The following RIC1 variants were observed in gnomAD, a reference collection of about 807,000 sequenced individuals.
RIC1 encodes the protein RIC1 partner of RAB6A GEF complex, also known as guanine nucleotide exchange factor subunit RIC1.
RIC1 carries 88 observed loss-of-function variants against 169.0 expected under a neutral mutation model. The observed-to-expected ratio is 0.52, with a 90% CI of 0.44 to 0.62. The LOEUF is 0.62. Ranked by LOEUF, RIC1 falls within the 20% of genes least tolerant of loss-of-function variation. The pLI, the probability that RIC1 is intolerant of heterozygous loss-of-function variation, is 0.00. For missense variants in RIC1, 1,877 were observed against 1,725.5 expected (o/e 1.09, Z -1.56); for synonymous variants, 790 against 601.5 (o/e 1.31, Z -4.59).
chr9:5,711,828 T>C (rs1030424261), intron 3 of RIC1, among the ~76,000 whole-genome samples: 7 of 152,186 alleles, frequency 4.6e-5, no homozygotes, highest in African/African-American at 1.7e-4. Context: ...ATGCGGTGTT[T>C]GGTTTTTTGT....
chr9:5,702,006 A>G (rs1563912128), intron 3 of RIC1, among the ~76,000 whole-genome samples: 1 of 152,218 alleles, frequency 6.6e-6, no homozygotes, highest in Non-Finnish European at 1.5e-5. Flanking sequence ...GGGGACACTC[A>G]TCTTTACTCA....
chr9:5,756,041 A>G (rs1409914543), intron 15 of RIC1, among the ~76,000 whole-genome samples, 171 bp from the exon 16 acceptor site: 2 of 152,048 alleles, frequency 1.3e-5, no homozygotes, highest in Non-Finnish European at 2.9e-5. Flanking sequence ...CCTAGTCTGC[A>G]AAAATATGTA....
chr9:5,739,444 T>A (rs1209349540), intron 8 of RIC1, among the ~76,000 whole-genome samples: 1 of 152,144 alleles, frequency 6.6e-6, no homozygotes, highest in African/African-American at 2.4e-5. Context: ...TTCCCATGCC[T>A]ACTCTCCAGA....
At chr9:5,713,302 A>G (rs1286330266) in intron 3 of RIC1, 1 of 152,264 alleles carries the variant, frequency 6.6e-6, no homozygotes, top group African/African-American at 2.4e-5. Flanking sequence ...GTGACAGTTC[A>G]GTTAAGTTGG....
At position 5,720,694 on chromosome 9, in the gene RIC1, T is replaced by C; in HGVS notation, c.664T>C (p.Phe222Leu). 6.2e-7 allele frequency: 1 copy of C among 1,612,716 alleles called. No individual in the cohort carries two copies. The highest frequency in any genetic ancestry group is 8.5e-7 in the Non-Finnish European group (1 of 1,179,202). ...CATLDGFAVV[F>L]NDGKVGFITP... is the part of the protein sequence containing the mutation. ...CACACTTGATGGGTTTGCTGTTGTATTTAATGATGGTAAAGTTGGATTTAT... is the reference window on the plus strand; with the variant it reads ...CACACTTGATGGGTTTGCTGTTGTACTTAATGATGGTAAAGTTGGATTTAT... Residue 222 changes from phenylalanine to leucine, a missense_variant, in exon 6 of 26, where the codon TTT becomes CTT. Around this residue, in one of 3 missense-constraint regions of RIC1, gnomAD observed 1,104 missense variants for 992.0 expected, o/e 1.11. Transcript: ENST00000414202.
intron 2 of RIC1, among the ~76,000 whole-genome samples, chr9:5,674,738 T>G (rs949360312): frequency 1.3e-5 from 2 of 152,180 alleles, no homozygotes; most frequent in Admixed American, 6.6e-5. Context: ...AACTTGTGGA[T>G]TACCATACCC....
chr9:5,715,454 C>G (rs1025068532), intron 4 of RIC1, among the ~76,000 whole-genome samples: 2 of 152,214 alleles, frequency 1.3e-5, no homozygotes, highest in African/African-American at 2.4e-5. Context: ...TCTCTCAAAA[C>G]TCCAGTGAAA....
intron 10 of RIC1, among the ~76,000 whole-genome samples, chr9:5,744,963 T>C (rs992265738): frequency 1.5e-4 from 23 of 152,274 alleles, no homozygotes; most frequent in African/African-American, 5.5e-4. Context: ...GAGTTTCTTG[T>C]AGAATTAAAA....
At position 5,722,425 on chromosome 9, in the gene RIC1, G is replaced by A. The variant is rs78565064; in HGVS notation, c.720+1675G>A. ...GTGGGTCTATAGGTATGTATCACAC[G>A]TCCACATGCATGTTCATAGCCTCCA... On this transcript the variant is annotated intron_variant, in intron 6 of 25. Transcript: ENST00000414202. 7.8e-3 allele frequency among the ~76,000 whole-genome samples: 1,163 copies of A among 149,752 alleles called. 16 individuals are homozygous for A. Among genetic ancestry groups the A allele is most frequent in the African/African-American group, 0.027 (1,087 of 40,706 alleles).
At chr9:5,729,816 TA>T (rs1232134163) in intron 6 of RIC1, among the ~76,000 whole-genome samples, 2 of 150,784 alleles carry the variant, frequency 1.3e-5, no homozygotes, top group Non-Finnish European at 2.9e-5. Context: ...TAAATAAGAA[TA>T]AAAATAAACT....
Position 5,773,108 on chromosome 9 carries a change from G to A in RIC1, c.3983+28G>A, listed in dbSNP as rs548513764. Reference sequence around the variant, plus strand: ...AAGTGCTGCTTTCCTTAGGCTTGGTGTCCTTCCATGTCTTTTGGTGAATCC... The same window carrying A: ...AAGTGCTGCTTTCCTTAGGCTTGGTATCCTTCCATGTCTTTTGGTGAATCC... On this transcript the variant is annotated intron_variant, in intron 25 of 25. Transcript: ENST00000414202. 6 of 1,470,716 alleles carry A rather than the reference G, an allele frequency of 4.1e-6. No individual in the cohort carries two copies. In the East Asian group the frequency reaches 1.2e-4, roughly 29 times the overall value. The allele number at this position is 1,470,716 out of a possible 1,614,324, so 91.1% of individuals were successfully genotyped here. A position where few individuals can be genotyped will look rare whatever the true frequency, so the allele number is the denominator to read the frequency against.
At chr9:5,762,695 T>G (rs1826423227) in intron 18 of RIC1, 35 bp downstream of exon 18, 1 of 1,604,706 alleles carries the variant, frequency 6.2e-7, no homozygotes, top group Non-Finnish European at 8.5e-7. Flanking sequence ...TTTCAAACAT[T>G]AAGAAGGTAT....
At chr9:5,730,075 A>G (rs979374535) in intron 6 of RIC1, among the ~76,000 whole-genome samples, 2 of 152,180 alleles carry the variant, frequency 1.3e-5, no homozygotes, top group African/African-American at 4.8e-5. Context: ...GCATTACTAA[A>G]TAAGGTATAG....
chr9:5,768,845 G>C lies in RIC1; in HGVS notation c.3138-125G>C, dbSNP rs989754049. 1.1e-5 allele frequency: 11 copies of C among 1,043,724 alleles called. No individual in the cohort carries two copies. In the African/African-American group the frequency reaches 1.8e-4, roughly 17 times the overall value. 64.7% of individuals were successfully genotyped at this position (1,043,724 alleles called of 1,614,324 possible). ...GAAGCGTTGATACTTTATCTTCATT[G>C]TCAATCAGAATTAGATCTTGGATCT... is the stretch of plus-strand genomic sequence containing the variant. On this transcript the variant is annotated intron_variant, in intron 21 of 25. Coordinates refer to ENST00000414202, the MANE Select transcript of RIC1 (RefSeq NM_020829.4).
rs756789059 is a variant in RIC1 at position 5,742,849 on chromosome 9, T to A, written c.902-20T>A. 6.3e-7 allele frequency: 1 copy of A among 1,586,836 alleles called. No individual in the cohort carries two copies. Among genetic ancestry groups the A allele is most frequent in the Non-Finnish European group, 8.6e-7 (1 of 1,161,504 alleles). On this transcript the variant is annotated intron_variant, in intron 8 of 25. Transcript: ENST00000414202. Reference sequence around the variant, plus strand: ...TGAAGCAACTATTTATTTTTAACTCTTCTCACTATTTCCTAACAGACATTT... The same window carrying A: ...TGAAGCAACTATTTATTTTTAACTCATCTCACTATTTCCTAACAGACATTT...
chr9:5,753,474 CT>C, intron 13 of RIC1, 61 bp from the exon 14 acceptor site: 3 of 1,037,692 alleles, frequency 2.9e-6, no homozygotes, highest in Non-Finnish European at 4.3e-6. Flanking sequence ...ATACTAAGCT[CT>C]TTATGCCTAA....
chr9:5,714,913 T>TA (rs1563921155), intron 4 of RIC1, among the ~76,000 whole-genome samples: 1 of 152,160 alleles, frequency 6.6e-6, no homozygotes, highest in Admixed American at 6.5e-5. Context: ...ATGCTACTTT[T>TA]AAAAAAATCC....
At chr9:5,648,681 T>C (rs781034043) in intron 1 of RIC1, among the ~76,000 whole-genome samples, 1 of 152,240 alleles carries the variant, frequency 6.6e-6, no homozygotes, top group African/African-American at 2.4e-5. Flanking sequence ...ACATCTGTTA[T>C]GTTTTCTTTT....
chr9:5,732,531 G>A (rs766908156), intron 7 of RIC1, 52 bp downstream of exon 7: 1 of 1,213,096 alleles, frequency 8.2e-7, no homozygotes, highest in Non-Finnish European at 1.2e-6. Context: ...AAAAAATACT[G>A]GTTTTTTTTT....
Sources: gnomAD v4.1 joint callset for allele counts (sites outside exome capture counted in the v4.1 genomes callset) on GRCh38, gnomAD v4.1.1 for gene constraint, gnomAD v4.1.1 regional missense constraint, MANE v1.5 for transcripts, NCBI Gene and HGNC (gene_info 2026-07-23, HGNC 2026-07-21) for gene names.